FOXP1: variants seen among roughly 807,000 people sequenced by gnomAD.
FOXP1 encodes the protein forkhead box protein P1.
In FOXP1, 15 loss-of-function variants were observed where a neutral mutation model predicts 98.2. That is an observed-to-expected ratio of 0.15 (90% CI 0.10 to 0.24). The LOEUF (loss-of-function observed/expected upper bound fraction) is 0.24. Among genes scored for constraint, FOXP1 ranks in the 10% least tolerant of loss-of-function variants. The probability of loss-of-function intolerance (pLI) is 1.00; values close to 1 mark genes in which losing one functional copy is unlikely to be tolerated. For synonymous variants in FOXP1, 371 were observed against 314.5 expected (o/e 1.18, Z -1.90); for missense variants, 633 against 848.5 (o/e 0.75, Z 3.15).
chr3:71,467,121 C>CGT lies in FOXP1; in HGVS notation c.-168+26303_-168+26304dup, dbSNP rs1297387665. Among the ~76,000 whole-genome samples the CGT allele has an allele frequency of 2.0e-5, 3 of 152,046 alleles. No homozygotes were observed. In the East Asian group the frequency reaches 5.8e-4, roughly 29 times the overall value. ...GGAAACATTATTATATGTGTGTGTACGTGTGTGTGTATGTATGTGTATATA... is the reference window on the plus strand; with the variant it reads ...GGAAACATTATTATATGTGTGTGTACGTGTGTGTGTGTATGTATGTGTATATA... On this transcript the variant is annotated intron_variant, in intron 3 of 20. Transcript: ENST00000649528.
chr3:71,238,084 T>C (rs932709231), intron 5 of FOXP1, among the ~76,000 whole-genome samples: 12 of 152,134 alleles, frequency 7.9e-5, no homozygotes, highest in Admixed American at 7.9e-4. Flanking sequence ...TCAAAATATA[T>C]GAAATTAATA....
At chr3:70,988,668 T>C (rs1343048535) in intron 13 of FOXP1, among the ~76,000 whole-genome samples, 1 of 152,234 alleles carries the variant, frequency 6.6e-6, no homozygotes, top group East Asian at 1.9e-4. Flanking sequence ...TAGTCTCATC[T>C]TAATAATTTA....
intron 2 of FOXP1, among the ~76,000 whole-genome samples, chr3:71,541,004 T>C (rs985738474): frequency 5.9e-5 from 9 of 152,238 alleles, no homozygotes; most frequent in Admixed American, 4.6e-4. Context: ...TGAGATTCCA[T>C]TGTTTCCTGC....
intron 2 of FOXP1, among the ~76,000 whole-genome samples, chr3:71,495,410 T>A (rs936705790): frequency 6.6e-6 from 1 of 152,210 alleles, no homozygotes; most frequent in East Asian, 1.9e-4. Flanking sequence ...AAAAGAACTA[T>A]TTCTTTTCAT....
chr3:71,031,214 A>C (rs910418507), intron 11 of FOXP1, among the ~76,000 whole-genome samples: 1 of 152,216 alleles, frequency 6.6e-6, no homozygotes, highest in Non-Finnish European at 1.5e-5. Flanking sequence ...CTTCAAAGAC[A>C]TATCTCAAAG....
At chr3:71,224,832 T>TA (rs2065706040) in intron 5 of FOXP1, among the ~76,000 whole-genome samples, 1 of 152,218 alleles carries the variant, frequency 6.6e-6, no homozygotes, top group Admixed American at 6.5e-5. Context: ...GACAAGGTTA[T>TA]ATTTGACATT....
intron 6 of FOXP1, among the ~76,000 whole-genome samples, chr3:71,166,815 C>T (rs72951375): frequency 0.023 from 3,507 of 152,162 alleles, 148 homozygotes; most frequent in African/African-American, 0.08. Flanking sequence ...AAAACACACA[C>T]AAAGAATTTT....
intron 11 of FOXP1, among the ~76,000 whole-genome samples, chr3:71,032,638 C>A (rs1182606129): frequency 6.6e-6 from 1 of 152,164 alleles, no homozygotes; most frequent in Non-Finnish European, 1.5e-5. Context: ...AGAGAGGTAG[C>A]TCCCTCGGAA....
chr3:71,103,579 G>C (rs571761394), intron 7 of FOXP1, among the ~76,000 whole-genome samples: 1 of 152,146 alleles, frequency 6.6e-6, no homozygotes, highest in African/African-American at 2.4e-5. Context: ...GTTATTCTAG[G>C]CTCCAGGAAA....
intron 18 of FOXP1, chr3:70,971,202 C>G (rs184047978): frequency 3.4e-6 from 1 of 290,062 alleles, no homozygotes; most frequent in Admixed American, 4.7e-5. Flanking sequence ...CAGAGAGAAT[C>G]TTGGCTCCTA....
In FOXP1 at chr3:71,496,737, T is replaced by A. The variant is rs566190981; in HGVS notation, c.-297-3182A>T. Among the ~76,000 whole-genome samples, 20 of 151,420 alleles carry A rather than the reference T, an allele frequency of 1.3e-4. No individual in the cohort carries two copies. In the East Asian group the frequency reaches 3.1e-3, roughly 24 times the overall value. On this transcript the variant is annotated intron_variant, in intron 2 of 20. Coordinates refer to ENST00000649528, the MANE Select transcript of FOXP1 (RefSeq NM_001349338.3). ...CAGAAGAATCGCTTGATCCAGGGAG[T>A]CGGAAGTTGCAGTGAGCTGAGATTG...
intron 2 of FOXP1, among the ~76,000 whole-genome samples, chr3:71,563,136 G>A (rs1001962030): frequency 6.6e-6 from 1 of 152,260 alleles, no homozygotes; most frequent in Middle Eastern, 3.4e-3. Flanking sequence ...GCCAGGGAGT[G>A]GCTGGGGAGG....
In FOXP1 at chr3:71,096,602, C is replaced by T. The variant is rs947315717; in HGVS notation, c.282+15934G>A. Among the ~76,000 whole-genome samples the T allele has an allele frequency of 2.6e-5, 4 of 152,214 alleles. No individual in the cohort carries two copies. In the East Asian group the frequency reaches 7.7e-4, roughly 29 times the overall value. On this transcript the variant is annotated intron_variant, in intron 7 of 20. Transcript: ENST00000649528. ...CACCTGACTGGGCATCTTAGGAGGG[C>T]TCCATGTTGAAGCAGTCCCATTATG...
At chr3:71,281,443 CG>C (rs1348329126) in intron 5 of FOXP1, among the ~76,000 whole-genome samples, 1 of 152,146 alleles carries the variant, frequency 6.6e-6, no homozygotes, top group African/African-American at 2.4e-5. Flanking sequence ...AGAAAGCACC[CG>C]CTTCATGTTC....
At chr3:70,971,425 AACATACTGTTGTCAG>A (rs2036213103) in intron 18 of FOXP1, 1 of 155,144 alleles carries the variant, frequency 6.4e-6, no homozygotes. Context: ...AAATGAAACT[AACATACTGTTGTCAG>A]AAAATCTCTA....
chr3:71,508,997 C>A (rs1301643513), intron 2 of FOXP1, among the ~76,000 whole-genome samples: 2 of 152,188 alleles, frequency 1.3e-5, no homozygotes, highest in Non-Finnish European at 2.9e-5. Flanking sequence ...TGGGACTTCT[C>A]AATAAACCTG....
intron 3 of FOXP1, among the ~76,000 whole-genome samples, chr3:71,471,131 T>A (rs927179857): frequency 2.0e-5 from 3 of 152,200 alleles, no homozygotes; most frequent in Admixed American, 6.6e-5. Context: ...ATTTACTGCA[T>A]CCTACTGTGT....
chr3:70,983,049 T>A (rs769204677), intron 14 of FOXP1, among the ~76,000 whole-genome samples: 1 of 152,216 alleles, frequency 6.6e-6, no homozygotes, highest in Non-Finnish European at 1.5e-5. Flanking sequence ...TGGGCATGAA[T>A]CACTGAGTTC....
chr3:71,276,329 T>C (rs955541477), intron 5 of FOXP1: 1 of 152,152 alleles, frequency 6.6e-6, no homozygotes, highest in Non-Finnish European at 1.5e-5. Flanking sequence ...GTTTTGGTCC[T>C]ATAATATAGG....
Sources: allele counts gnomAD v4.1 joint callset (sites outside exome capture counted in the v4.1 genomes callset), GRCh38; gene constraint gnomAD v4.1.1; transcripts MANE v1.5; gene names NCBI Gene and HGNC (gene_info 2026-07-23, HGNC 2026-07-21).